ENDOV: variants seen among roughly 807,000 people sequenced by gnomAD.
The protein encoded by ENDOV is endonuclease V, also known as hEndoV.
ENDOV carries 37 observed loss-of-function variants against 39.4 expected under a neutral mutation model. That is an observed-to-expected ratio of 0.94 (90% CI 0.72 to 1.23). ENDOV has a LOEUF of 1.23. Among genes scored for constraint, ENDOV ranks in the 50% most tolerant of loss-of-function variants. The probability of loss-of-function intolerance (pLI) is 0.00; values close to 1 mark genes in which losing one functional copy is unlikely to be tolerated. For synonymous variants in ENDOV, 186 were observed against 163.4 expected (o/e 1.14, Z -1.05); for missense variants, 441 against 375.7 (o/e 1.17, Z -1.44).
At chr17:80,427,838 G>A (rs1429417083) in intron 7 of ENDOV, 27 of 1,281,488 alleles carry the variant, frequency 2.1e-5, no homozygotes, top group East Asian at 5.6e-5. Context: ...AGGCTGGGCC[G>A]CTCCAGGGGA....
chr17:80,437,201 A>G lies in ENDOV; in HGVS notation c.*1058A>G, dbSNP rs1187382983. 6.5e-6 allele frequency: 1 copy of G among 152,702 alleles called. No homozygotes were observed. Among genetic ancestry groups the G allele is most frequent in the Non-Finnish European group, 1.5e-5 (1 of 68,090 alleles). 9.5% of individuals were successfully genotyped at this position (152,702 alleles called of 1,614,324 possible). A position where few individuals can be genotyped will look rare whatever the true frequency, so the allele number is the denominator to read the frequency against. The stretch of plus-strand genomic sequence containing the variant: ...AGTGATCTGGCTGGGAAAGGGGACC[A>G]GGAGTGCAGGGCACCTGCTGAGGAC... On this transcript the variant is annotated 3_prime_UTR_variant, in exon 10 of 10. Transcript: ENST00000518137.
chr17:80,415,455 T>A (rs770080243), intron 1 of ENDOV, 195 bp from the exon 2 acceptor site: 9 of 976,478 alleles, frequency 9.2e-6, no homozygotes, highest in Non-Finnish European at 1.3e-5. Context: ...TTCCGGCCAG[T>A]TTGTCTGGCC....
chr17:80,429,947 C>CA, intron 9 of ENDOV, 116 bp downstream of exon 9: 1 of 1,580,934 alleles, frequency 6.3e-7, no homozygotes, highest in Non-Finnish European at 8.6e-7. Context: ...ACCATGAAGA[C>CA]AAGAAGGCCA....
chr17:80,419,216 C>T (rs140127027), intron 2 of ENDOV, among the ~76,000 whole-genome samples: 5 of 151,084 alleles, frequency 3.3e-5, no homozygotes, highest in African/African-American at 4.9e-5. Context: ...ACCCCACTTA[C>T]TGGGGGAAAA....
At chr17:80,419,304 G>A (rs2081634882) in intron 2 of ENDOV, 1 of 413,734 alleles carries the variant, frequency 2.4e-6, no homozygotes, top group African/African-American at 2.0e-5. Context: ...CTGGGCTGGA[G>A]AACCACTGGC....
At chr17:80,418,115 G>C (rs1432200236) in intron 2 of ENDOV, 2 of 152,156 alleles carry the variant, frequency 1.3e-5, no homozygotes, top group Non-Finnish European at 2.9e-5. Context: ...CATAGGGAGT[G>C]GGGACACAGT....
At chr17:80,417,256 G>T (rs1198319207) in intron 2 of ENDOV, 3 of 152,218 alleles carry the variant, frequency 2.0e-5, no homozygotes, top group Non-Finnish European at 2.9e-5. Flanking sequence ...TGTTTGCTAC[G>T]CTGTATTTGG....
intron 4 of ENDOV, among the ~76,000 whole-genome samples, chr17:80,422,857 G>T (rs781149827): frequency 6.6e-6 from 1 of 152,192 alleles, no homozygotes; most frequent in South Asian, 2.1e-4. Flanking sequence ...CCATCACCAC[G>T]CCCGGCTAAT....
chr17:80,415,659 T>G lies in ENDOV; in HGVS notation c.66T>G (p.Ala22=). 1 of 1,612,362 alleles carries G rather than the reference T, an allele frequency of 6.2e-7. No individual in the cohort carries two copies. The highest frequency in any genetic ancestry group is 8.5e-7 in the Non-Finnish European group (1 of 1,179,272). The change falls in exon 2 of 10, where the codon GCT becomes GCG. Residue 22 remains alanine, a synonymous_variant. Coordinates refer to ENST00000518137, the MANE Select transcript of ENDOV (RefSeq NM_173627.5). ...ETLSLWKREQ[A]RLKAHVVDRD... ...GCTTCTGTCCTCCTAGGGAGCAAGC[T>G]CGGCTGAAGGCCCACGTCGTAGACC...
At chr17:80,423,173 A>T (rs566865942) in intron 4 of ENDOV, among the ~76,000 whole-genome samples, 2 of 152,338 alleles carry the variant, frequency 1.3e-5, no homozygotes, top group East Asian at 3.9e-4. Context: ...GCCGACCCAC[A>T]TGCTCGTGCC....
chr17:80,419,015 C>CA (rs1383598159), intron 2 of ENDOV, among the ~76,000 whole-genome samples: 4 of 151,288 alleles, frequency 2.6e-5, no homozygotes, highest in African/African-American at 4.9e-5. Context: ...ACTAAAAATA[C>CA]AAAAAAAATC....
At chr17:80,423,424 A>C in intron 4 of ENDOV, 96 bp from the exon 5 acceptor site, 1 of 1,210,154 alleles carries the variant, frequency 8.3e-7, no homozygotes, top group Admixed American at 2.3e-5. Context: ...ACCTCTGCTC[A>C]CTTAGGGAAG....
chr17:80,424,147 C>T (rs2082402187), intron 5 of ENDOV: 4 of 399,024 alleles, frequency 1.0e-5, no homozygotes, highest in Non-Finnish European at 1.8e-5. Flanking sequence ...GTGAGACACT[C>T]ACAATGGAGG....
chr17:80,428,594 A>G lies in ENDOV; in HGVS notation c.715-2A>G, dbSNP rs1196860843. 6.3e-6 allele frequency: 10 copies of G among 1,579,438 alleles called. No homozygotes were observed. Among genetic ancestry groups the G allele is most frequent in the Non-Finnish European group, 7.7e-6 (9 of 1,163,334 alleles). On this transcript the variant is annotated splice_acceptor_variant, in intron 7 of 9. Coordinates refer to ENST00000518137, the MANE Select transcript of ENDOV (RefSeq NM_173627.5). LOFTEE classifies it high-confidence loss of function. ...ACCCAGCAGCACGTCTGTCTCCCCC[A>G]GGCTGACATCTGCTCCCGAGAGCAC...
intron 9 of ENDOV, among the ~76,000 whole-genome samples, chr17:80,431,734 TC>T (rs2083341128): frequency 6.6e-6 from 1 of 151,972 alleles, no homozygotes; most frequent in Non-Finnish European, 1.5e-5. Context: ...GGACTGAGGC[TC>T]CCCTCACCGT....
chr17:80,426,439 A>T (rs2082692659), intron 7 of ENDOV, among the ~76,000 whole-genome samples: 1 of 152,194 alleles, frequency 6.6e-6, no homozygotes, highest in Admixed American at 6.5e-5. Context: ...ACTTGAGCCC[A>T]GGAGTTTGAG....
intron 2 of ENDOV, 126 bp from the exon 3 acceptor site, chr17:80,421,702 G>C (rs1410594833): frequency 7.9e-7 from 1 of 1,270,486 alleles, no homozygotes; most frequent in East Asian, 2.5e-5. Context: ...GGTGAGGCAG[G>C]GAAGGGGAGC....
At chr17:80,423,688 G>A in intron 5 of ENDOV, 56 bp downstream of exon 5, 1 of 1,505,570 alleles carries the variant, frequency 6.6e-7, no homozygotes, top group Non-Finnish European at 9.0e-7. Flanking sequence ...GGGCTGTGGT[G>A]GCCCTGGGCA....
Position 80,419,905 on chromosome 17 carries a change from T to C in ENDOV, c.229-1923T>C, listed in dbSNP as rs2081762274. On this transcript the variant is annotated intron_variant, in intron 2 of 9. Coordinates refer to ENST00000518137, the MANE Select transcript of ENDOV (RefSeq NM_173627.5). ...TGAGGGGCACCAGGTCACTGGCTTATGTTGAGATTGCTGGTCATCCAGACC... is the reference window on the plus strand; with the variant it reads ...TGAGGGGCACCAGGTCACTGGCTTACGTTGAGATTGCTGGTCATCCAGACC... 3.4e-5 allele frequency: 18 copies of C among 531,366 alleles called. No individual in the cohort carries two copies. In the South Asian group the frequency reaches 4.5e-4, roughly 13 times the overall value. The allele number at this position is 531,366 out of a possible 1,614,324, so 32.9% of individuals were successfully genotyped here.
Sources: allele counts gnomAD v4.1 joint callset (sites outside exome capture counted in the v4.1 genomes callset), GRCh38; gene constraint gnomAD v4.1.1; transcripts MANE v1.5; gene names NCBI Gene and HGNC (gene_info 2026-07-23, HGNC 2026-07-21).